ANKS1B: variants seen among roughly 807,000 people sequenced by gnomAD.
The protein encoded by ANKS1B is ankyrin repeat and sterile alpha motif domain-containing protein 1B.
A neutral mutation model predicts 148.3 loss-of-function variants in ANKS1B; 36 were observed. That is an observed-to-expected ratio of 0.24 (90% CI 0.19 to 0.32). The LOEUF (loss-of-function observed/expected upper bound fraction) is 0.32, where lower values mean the gene tolerates loss of function less well. Ranked by LOEUF, ANKS1B falls within the 10% of genes least tolerant of loss-of-function variation. The probability of loss-of-function intolerance (pLI) is 1.00; values close to 1 mark genes in which losing one functional copy is unlikely to be tolerated. For synonymous variants in ANKS1B, 542 were observed against 560.8 expected (o/e 0.97, Z 0.47); for missense variants, 1,157 against 1,542.6 (o/e 0.75, Z 4.19).
chr12:98,976,139 C>G (rs956880298), intron 17 of ANKS1B, among the ~76,000 whole-genome samples: 1 of 152,194 alleles, frequency 6.6e-6, no homozygotes, highest in Non-Finnish European at 1.5e-5. Context: ...TGAGATTCAT[C>G]TCGTGTTAAT....
chr12:99,185,287 T>C (rs187669786), intron 14 of ANKS1B, among the ~76,000 whole-genome samples: 2 of 152,298 alleles, frequency 1.3e-5, no homozygotes, highest in Admixed American at 1.3e-4. Flanking sequence ...ACGTTGAGCC[T>C]CAAAGGAATA....
intron 12 of ANKS1B, among the ~76,000 whole-genome samples, chr12:99,314,559 C>T (rs2083695558): frequency 6.6e-6 from 1 of 152,056 alleles, no homozygotes; most frequent in African/African-American, 2.4e-5. Flanking sequence ...GGTACTGGTA[C>T]CAAAACAGAC....
At chr12:99,543,123 A>G (rs2097142171) in intron 9 of ANKS1B, among the ~76,000 whole-genome samples, 4 of 152,104 alleles carry the variant, frequency 2.6e-5, no homozygotes, top group Admixed American at 2.0e-4. Flanking sequence ...AGAACTCATA[A>G]TTAACAATAA....
intron 9 of ANKS1B, among the ~76,000 whole-genome samples, chr12:99,574,047 G>A (rs1225017038): frequency 1.3e-5 from 2 of 151,952 alleles, no homozygotes; most frequent in Admixed American, 1.3e-4. Flanking sequence ...AGGTTTACAG[G>A]AATTGCCTTG....
intron 17 of ANKS1B, among the ~76,000 whole-genome samples, chr12:98,928,324 C>T (rs938544530): frequency 2.7e-5 from 4 of 150,622 alleles, no homozygotes; most frequent in African/African-American, 9.7e-5. Context: ...GAAGTCTAGG[C>T]CAAAATGGCC....
chr12:99,058,799 G>A (rs1205348761), intron 16 of ANKS1B, among the ~76,000 whole-genome samples: 2 of 133,298 alleles, frequency 1.5e-5, no homozygotes, highest in Admixed American at 8.3e-5. Flanking sequence ...GTGCAGTGGC[G>A]CGATCTCGGC....
chr12:98,746,686 C>G (rs772150142), intron 26 of ANKS1B, among the ~76,000 whole-genome samples: 3 of 152,220 alleles, frequency 2.0e-5, no homozygotes, highest in Non-Finnish European at 4.4e-5. Context: ...CGCAGAAAAG[C>G]TCCTGGCAAC....
chr12:99,336,031 A>AT, intron 12 of ANKS1B, among the ~76,000 whole-genome samples: 1 of 152,140 alleles, frequency 6.6e-6, no homozygotes, highest in East Asian at 1.9e-4. Flanking sequence ...ATTCACTATT[A>AT]TTGCCTGTCT....
At chr12:98,768,586 T>G (rs1056035283) in intron 25 of ANKS1B, among the ~76,000 whole-genome samples, 1 of 151,504 alleles carries the variant, frequency 6.6e-6, no homozygotes, top group South Asian at 2.1e-4. Flanking sequence ...TACAAAAAAT[T>G]AGCCGGGCGT....
intron 12 of ANKS1B, among the ~76,000 whole-genome samples, chr12:99,394,544 G>T (rs2094182846): frequency 6.6e-6 from 1 of 151,516 alleles, no homozygotes; most frequent in African/African-American, 2.4e-5. Context: ...CCCCAATATT[G>T]TTAAATCCAT....
At chr12:99,550,639 T>A (rs182223092) in intron 9 of ANKS1B, among the ~76,000 whole-genome samples, 1,815 of 144,464 alleles carry the variant, frequency 0.013, 22 homozygotes, top group Admixed American at 0.023. Flanking sequence ...AAAAAAAAAA[T>A]TGAAGTTTGA....
In ANKS1B at chr12:98,832,008, A is replaced by T. The variant is rs568068307; in HGVS notation, c.2886+21T>A. 1.9e-6 allele frequency: 3 copies of T among 1,558,206 alleles called. No homozygotes were observed. In the African/African-American group the frequency reaches 4.1e-5, roughly 21 times the overall value. On this transcript the variant is annotated intron_variant, in intron 18 of 26. Coordinates refer to ENST00000683438, the MANE Select transcript of ANKS1B (RefSeq NM_001352186.2). Reference sequence around the variant, plus strand: ...TCTTAAGATAAGGGCAGAGAACCAGATGAATGTGCTTGGCACTTACCCTGA... The same window carrying T: ...TCTTAAGATAAGGGCAGAGAACCAGTTGAATGTGCTTGGCACTTACCCTGA...
At chr12:99,126,939 T>A (rs2064564118) in intron 15 of ANKS1B, among the ~76,000 whole-genome samples, 1 of 151,816 alleles carries the variant, frequency 6.6e-6, no homozygotes, top group Non-Finnish European at 1.5e-5. Context: ...TTGGAAAAAA[T>A]GGAATATTCA....
intron 25 of ANKS1B, among the ~76,000 whole-genome samples, chr12:98,761,461 G>A (rs1461189236): frequency 6.6e-6 from 1 of 152,182 alleles, no homozygotes; most frequent in East Asian, 1.9e-4. Context: ...CCTCCAGGAA[G>A]CTCAGAGCTA....
chr12:98,802,418 A>G (rs2099011134), intron 20 of ANKS1B, among the ~76,000 whole-genome samples: 3 of 152,104 alleles, frequency 2.0e-5, no homozygotes. Context: ...GAATCTAGAA[A>G]CTCCAAAAGA....
chr12:98,856,332 T>C, intron 17 of ANKS1B, among the ~76,000 whole-genome samples: 1 of 152,214 alleles, frequency 6.6e-6, no homozygotes, highest in Non-Finnish European at 1.5e-5. Flanking sequence ...GTACCAGTAA[T>C]AGAGAGCTCA....
At chr12:99,495,469 A>G (rs2096595394) in intron 10 of ANKS1B, among the ~76,000 whole-genome samples, 1 of 152,100 alleles carries the variant, frequency 6.6e-6, no homozygotes, top group Non-Finnish European at 1.5e-5. Flanking sequence ...TAAACTGTCC[A>G]TATGGATGAA....
intron 9 of ANKS1B, among the ~76,000 whole-genome samples, chr12:99,539,191 G>A (rs116979687): frequency 0.016 from 2,498 of 152,216 alleles, 33 homozygotes; most frequent in Non-Finnish European, 0.024. Flanking sequence ...AACGTAAAAA[G>A]TGTGGGTAAA....
chr12:99,668,252 C>CAA (rs3083636), intron 8 of ANKS1B, among the ~76,000 whole-genome samples: 68,108 of 151,750 alleles, frequency 0.45, 16,024 homozygotes, highest in South Asian at 0.6. Context: ...TCTAGGTTGT[C>CAA]AGTTATTGCT....
Sources: gnomAD v4.1 joint callset for allele counts (sites outside exome capture counted in the v4.1 genomes callset) on GRCh38, gnomAD v4.1.1 for gene constraint, MANE v1.5 for transcripts, NCBI Gene and HGNC (gene_info 2026-07-23, HGNC 2026-07-21) for gene names.